Variants in IRAK2 observed in about 807,000 individuals in gnomAD.
IRAK2 encodes the protein interleukin 1 receptor associated kinase 2.
In IRAK2, 57 loss-of-function variants were observed where a neutral mutation model predicts 72.0. The observed-to-expected ratio is 0.79, with a 90% CI of 0.64 to 0.99. IRAK2 has a LOEUF of 0.99. IRAK2 is among the 50% of genes least tolerant of loss of function. IRAK2 has a pLI of 0.00. For missense variants in IRAK2, 790 were observed against 794.4 expected (o/e 0.99, Z 0.07); for synonymous variants, 293 against 312.7 (o/e 0.94, Z 0.67).
chr3:10,172,874 T>A (rs927556617), intron 1 of IRAK2, among the ~76,000 whole-genome samples: 15 of 125,690 alleles, frequency 1.2e-4, no homozygotes, highest in Non-Finnish European at 5.0e-5. Flanking sequence ...AGAGACGGGG[T>A]TTCATCATGT....
intron 1 of IRAK2, among the ~76,000 whole-genome samples, chr3:10,165,721 ATTTTTTTTT>A (rs34176794): frequency 1.6e-4 from 12 of 76,786 alleles, no homozygotes; most frequent in African/African-American, 4.0e-4. Flanking sequence ...GTCTTGAACT[ATTTTTTTTT>A]TTTTTTTTTT....
chr3:10,225,952 G>C (rs1441548809), intron 9 of IRAK2, among the ~76,000 whole-genome samples: 3 of 152,104 alleles, frequency 2.0e-5, no homozygotes, highest in Admixed American at 2.0e-4. Flanking sequence ...GCCCACCTCA[G>C]CCTCCCAAAG....
chr3:10,216,950 G>T lies in IRAK2; in HGVS notation c.805G>T (p.Val269Phe), dbSNP rs375371662. ...CGATTCCAGATGCTGCCACCCCAATGTCTTACCTGTGCTGGGCTTCTGTGC... is the reference window on the plus strand; with the variant it reads ...CGATTCCAGATGCTGCCACCCCAATTTCTTACCTGTGCTGGGCTTCTGTGC... ...QICLRCCHPN[V>F]LPVLGFCAAR... Residue 269 changes from valine to phenylalanine, a missense_variant, in exon 7 of 13, where the codon GTC (valine) becomes TTC (phenylalanine). Coordinates refer to ENST00000256458, the MANE Select transcript of IRAK2 (RefSeq NM_001570.4). 5.5e-5 allele frequency: 89 copies of T among 1,613,942 alleles called. No homozygotes were observed. Among genetic ancestry groups the T allele is most frequent in the Middle Eastern group, 1.6e-4 (1 of 6,082 alleles).
chr3:10,229,714 CTG>C (rs1056787996), intron 10 of IRAK2, among the ~76,000 whole-genome samples: 3 of 152,164 alleles, frequency 2.0e-5, no homozygotes, highest in South Asian at 2.1e-4. Flanking sequence ...GGATAGATGA[CTG>C]TTTATCCATT....
Position 10,213,404 on chromosome 3 carries a change from G to C in IRAK2, c.723+3G>C, listed in dbSNP as rs376823751. The C allele has an allele frequency of 2.5e-6, 4 of 1,613,932 alleles. No homozygotes were observed. The South Asian group carries it at 3.3e-5, about 13-fold the overall frequency. ...TCGTCTTCAAGAAGCTCAGAGAGGT[G>C]AGCACTTCTTGGTTTCTAGTGGGGG... is the stretch of plus-strand genomic sequence containing the variant. On this transcript the variant is annotated splice_donor_region_variant and intron_variant, in intron 5 of 12. Transcript: ENST00000256458.
At chr3:10,225,091 C>T (rs1697754091) in intron 9 of IRAK2, among the ~76,000 whole-genome samples, 1 of 152,086 alleles carries the variant, frequency 6.6e-6, no homozygotes, top group Admixed American at 6.5e-5. Flanking sequence ...CAGTGATGCC[C>T]TCTGCTGCCC....
chr3:10,213,425 G>T (rs762458454), intron 5 of IRAK2, 24 bp downstream of exon 5: 213 of 1,613,290 alleles, frequency 1.3e-4, no homozygotes, highest in Non-Finnish European at 1.7e-4. Flanking sequence ...GGTTTCTAGT[G>T]GGGGTGGAGG....
chr3:10,219,332 T>TG (rs371324526), intron 7 of IRAK2, among the ~76,000 whole-genome samples: 45 of 151,296 alleles, frequency 3.0e-4, no homozygotes, highest in Non-Finnish European at 4.1e-4. Context: ...TTTTTGTTTT[T>TG]TTTTGAGATG....
In IRAK2 at chr3:10,219,663, G is replaced by T. The variant is rs1430360989; in HGVS notation, c.904-17G>T. On this transcript the variant is annotated splice_polypyrimidine_tract_variant and intron_variant, in intron 7 of 12. Transcript: ENST00000256458. ...GTACATTGTGACTATTTGTCCTCCT[G>T]CTTTTCTTTCTCTTAGGGTGGCTCG... is the stretch of plus-strand genomic sequence containing the variant. 6.3e-7 allele frequency: 1 copy of T among 1,595,490 alleles called. No individual in the cohort carries two copies. Among genetic ancestry groups the T allele is most frequent in the African/African-American group, 1.3e-5 (1 of 74,504 alleles).
At chr3:10,188,938 G>A (rs111893111) in intron 2 of IRAK2, among the ~76,000 whole-genome samples, 2 of 152,268 alleles carry the variant, frequency 1.3e-5, no homozygotes, top group Admixed American at 1.3e-4. Flanking sequence ...TGGGATTATA[G>A]GCATGAGCCA....
intron 3 of IRAK2, among the ~76,000 whole-genome samples, chr3:10,200,888 G>A (rs1404260902): frequency 1.3e-5 from 2 of 152,170 alleles, no homozygotes; most frequent in Non-Finnish European, 2.9e-5. Flanking sequence ...GTGACAGAGC[G>A]AGACTCTTCC....
chr3:10,200,251 C>A (rs1697335289), intron 2 of IRAK2, 118 bp from the exon 3 acceptor site: 3 of 871,402 alleles, frequency 3.4e-6, no homozygotes, highest in African/African-American at 1.7e-5. Flanking sequence ...CCCTGCAACA[C>A]CATGCATTTG....
chr3:10,222,540 G>T, intron 8 of IRAK2, 96 bp from the exon 9 acceptor site: 2 of 940,178 alleles, frequency 2.1e-6, no homozygotes, highest in Non-Finnish European at 1.7e-6. Context: ...CTTGCAGGAG[G>T]TGAGGTTGCT....
At chr3:10,202,654 A>C (rs944063413) in intron 3 of IRAK2, among the ~76,000 whole-genome samples, 1 of 142,340 alleles carries the variant, frequency 7.0e-6, no homozygotes, top group African/African-American at 2.6e-5. Context: ...TAAACATCAC[A>C]TGTCTCTGTC....
intron 2 of IRAK2, among the ~76,000 whole-genome samples, chr3:10,184,586 T>G (rs2125145218): frequency 6.7e-6 from 1 of 148,396 alleles, no homozygotes; most frequent in South Asian, 2.1e-4. Context: ...TGGTGGAATT[T>G]GAACAGGAAG....
intron 11 of IRAK2, among the ~76,000 whole-genome samples, chr3:10,235,110 C>A (rs113834052): frequency 1.5e-4 from 23 of 152,248 alleles, no homozygotes; most frequent in African/African-American, 5.3e-4. Context: ...GGCGGTCCAG[C>A]ATGCAAACCG....
At chr3:10,170,440 G>T (rs1014563298) in intron 1 of IRAK2, among the ~76,000 whole-genome samples, 2 of 152,176 alleles carry the variant, frequency 1.3e-5, no homozygotes, top group Admixed American at 6.5e-5. Context: ...GTATTATTCT[G>T]TCTGTCACAG....
intron 4 of IRAK2, among the ~76,000 whole-genome samples, 188 bp from the exon 5 acceptor site, chr3:10,213,019 C>T (rs1421433884): frequency 2.0e-5 from 3 of 152,150 alleles, no homozygotes; most frequent in East Asian, 1.9e-4. Flanking sequence ...CCGCCCGCCT[C>T]GGCCTCCCAA....
chr3:10,193,733 C>T (rs1366964128), intron 2 of IRAK2, among the ~76,000 whole-genome samples: 6 of 152,240 alleles, frequency 3.9e-5, no homozygotes, highest in Admixed American at 2.6e-4. Flanking sequence ...ACCTGCGTCC[C>T]CTTCCTATCC....
Sources: allele counts gnomAD v4.1 joint callset (sites outside exome capture counted in the v4.1 genomes callset), GRCh38; gene constraint gnomAD v4.1.1; transcripts MANE v1.5; gene names NCBI Gene and HGNC (gene_info 2026-07-23, HGNC 2026-07-21).